TRIM77: variants seen among roughly 807,000 people sequenced by gnomAD.
TRIM77 encodes the protein tripartite motif-containing protein 77.
TRIM77 carries 23 observed loss-of-function variants against 31.8 expected under a neutral mutation model. The observed-to-expected ratio is 0.72, with a 90% CI of 0.52 to 1.02. The LOEUF is 1.02. Ranked by LOEUF, TRIM77 falls within the 50% of genes least tolerant of loss-of-function variation. The pLI is 0.00. For missense variants in TRIM77, 446 were observed against 539.2 expected (o/e 0.83, Z 1.71); for synonymous variants, 159 against 183.1 (o/e 0.87, Z 1.06).
At chr11:89,711,690 A>G (rs1949123452) in intron 2 of TRIM77, among the ~76,000 whole-genome samples, 185 bp downstream of exon 2, 2 of 152,192 alleles carry the variant, frequency 1.3e-5, no homozygotes, top group Admixed American at 6.5e-5. Context: ...TATATAACTA[A>G]AAATATCCTG....
Position 89,710,353 on chromosome 11 carries a change from A to G in TRIM77, c.55A>G (p.Thr19Ala). ...STSELTCSIC[T>A]DYLTDPVTIC... ...CAGTGAGCTCACCTGCTCGATCTGCACAGACTATTTGACAGACCCTGTCAC... is the reference window on the plus strand; with the variant it reads ...CAGTGAGCTCACCTGCTCGATCTGCGCAGACTATTTGACAGACCCTGTCAC... The change falls in exon 1 of 6, where the codon ACA becomes GCA. Residue 19 changes from threonine to alanine, a missense_variant. By Grantham distance (58) the Thr-to-Ala change is moderately conservative. Around this residue, in one of 3 missense-constraint regions of TRIM77, gnomAD observed 72 missense variants for 64.7 expected, o/e 1.11. Coordinates refer to ENST00000398290, the MANE Select transcript of TRIM77 (RefSeq NM_001146162.1). 6.4e-7 allele frequency: 1 copy of G among 1,551,704 alleles called. No homozygotes were observed. The highest frequency in any genetic ancestry group is 8.7e-7 in the Non-Finnish European group (1 of 1,146,716).
chr11:89,711,034 C>A (rs1226867395), intron 1 of TRIM77, among the ~76,000 whole-genome samples: 5 of 152,136 alleles, frequency 3.3e-5, no homozygotes, highest in Non-Finnish European at 7.3e-5. Context: ...TTGGCTAACA[C>A]AGTCATGATT....
chr11:89,710,895 C>T (rs1322477292), intron 1 of TRIM77, among the ~76,000 whole-genome samples, 186 bp downstream of exon 1: 1 of 152,130 alleles, frequency 6.6e-6, no homozygotes, highest in African/African-American at 2.4e-5. Context: ...AACCAAACAT[C>T]CCTGCTCACC....
In TRIM77 at chr11:89,711,485, A is replaced by G; in HGVS notation, c.487A>G (p.Asn163Asp). 6.6e-7 allele frequency: 1 copy of G among 1,519,498 alleles called. No individual in the cohort carries two copies. Among genetic ancestry groups the G allele is most frequent in the Non-Finnish European group, 8.8e-7 (1 of 1,132,812 alleles). The allele number at this position is 1,519,498 out of a possible 1,614,324, so 94.1% of individuals were successfully genotyped here. A position where few individuals can be genotyped will look rare whatever the true frequency, so the allele number is the denominator to read the frequency against. ...KNQRNLNRET[N>D]IIGTWEVFIN... Reference sequence around the variant, plus strand: ...TCAAAGAAATCTAAACAGAGAGACCAACATAATCGGAACATGGGAAGTAAG... The same window carrying G: ...TCAAAGAAATCTAAACAGAGAGACCGACATAATCGGAACATGGGAAGTAAG... The change falls in exon 2 of 6, where the codon AAC becomes GAC. Residue 163 changes from asparagine (N) to aspartate (D), a missense_variant. Physicochemically the swap from Asn to Asp is conservative, Grantham distance 23 (BLOSUM62 1). Transcript: ENST00000398290.
chr11:89,715,391 T>A (rs1321159055), intron 4 of TRIM77, among the ~76,000 whole-genome samples: 1 of 152,198 alleles, frequency 6.6e-6, no homozygotes, highest in African/African-American at 2.4e-5. Context: ...GAAGTTTCAA[T>A]AAGGCAACTA....
chr11:89,711,494 G>A lies in TRIM77; in HGVS notation c.496G>A (p.Gly166Arg), dbSNP rs747086502. Residue 166 changes from glycine to arginine, a missense_variant, in exon 2 of 6, where the codon GGA (glycine) becomes AGA (arginine). Physicochemically the swap from Gly to Arg is moderately radical, Grantham distance 125. Around this residue, in one of 3 missense-constraint regions of TRIM77, gnomAD observed 366 missense variants for 447.9 expected, o/e 0.82. Transcript: ENST00000398290. ...RNLNRETNII[G>R]TWEVFINLRS... Reference sequence around the variant, plus strand: ...TCTAAACAGAGAGACCAACATAATCGGAACATGGGAAGTAAGCAGTAAGCT... The same window carrying A: ...TCTAAACAGAGAGACCAACATAATCAGAACATGGGAAGTAAGCAGTAAGCT... 4.0e-5 allele frequency: 60 copies of A among 1,511,366 alleles called. No homozygotes were observed. Among genetic ancestry groups the A allele is most frequent in the African/African-American group, 2.4e-4 (17 of 70,418 alleles). The allele number at this position is 1,511,366 out of a possible 1,614,324, so 93.6% of individuals were successfully genotyped here.
intron 2 of TRIM77, among the ~76,000 whole-genome samples, chr11:89,713,790 G>A (rs1949141377): frequency 6.6e-6 from 1 of 152,110 alleles, no homozygotes; most frequent in African/African-American, 2.4e-5. Context: ...GGAAATGGAA[G>A]TAATTTAGAA....
At chr11:89,715,479 T>C (rs1949154463) in intron 4 of TRIM77, among the ~76,000 whole-genome samples, 1 of 152,120 alleles carries the variant, frequency 6.6e-6, no homozygotes, top group African/African-American at 2.4e-5. Flanking sequence ...GCAAATAATC[T>C]CAGAGAGGCA....
At chr11:89,717,234 G>A in intron 5 of TRIM77, 145 bp from the exon 6 acceptor site, 1 of 769,792 alleles carries the variant, frequency 1.3e-6, no homozygotes, top group Non-Finnish European at 2.0e-6. Flanking sequence ...TAGTGAGGTG[G>A]AAATATTCCT....
chr11:89,716,662 T>C (rs1184854887), intron 5 of TRIM77, among the ~76,000 whole-genome samples: 2 of 152,082 alleles, frequency 1.3e-5, no homozygotes, highest in East Asian at 1.9e-4. Context: ...AAGGCACATA[T>C]AGATTTTCAG....
At chr11:89,714,518 G>A (rs534096020) in intron 3 of TRIM77, 96 bp downstream of exon 3, 11 of 897,954 alleles carry the variant, frequency 1.2e-5, no homozygotes, top group Middle Eastern at 3.0e-4. Flanking sequence ...TTACTTTTCC[G>A]GTTCCAAATA....
At position 89,717,736 on chromosome 11, in the gene TRIM77, G is replaced by T; in HGVS notation, c.1217G>T (p.Trp406Leu). The T allele has an allele frequency of 6.4e-7, 1 of 1,551,262 alleles. No individual in the cohort carries two copies. Among genetic ancestry groups the T allele is most frequent in the Non-Finnish European group, 8.7e-7 (1 of 1,146,724 alleles). ...CACTATATTCCAAGGCCCCAAGGCTGGCTAGGGGTGTTCCTGGATTATGAA... is the reference window on the plus strand; with the variant it reads ...CACTATATTCCAAGGCCCCAAGGCTTGCTAGGGGTGTTCCTGGATTATGAA... ...LPHYIPRPQG[W>L]LGVFLDYECG... Residue 406 changes from tryptophan to leucine, a missense_variant, in exon 6 of 6, where the codon TGG becomes TTG. Trp to Leu is a moderately conservative substitution (Grantham distance 61). Transcript: ENST00000398290.
chr11:89,710,684 C>T lies in TRIM77; in HGVS notation c.386C>T (p.Thr129Ile), dbSNP rs1482285062. The T allele has an allele frequency of 6.5e-6, 10 of 1,546,626 alleles. No homozygotes were observed. The Admixed American group carries it at 2.0e-4, about 31-fold the overall frequency. The change falls in exon 1 of 6, where the codon ACA (threonine) becomes ATA (isoleucine). Residue 129 changes from threonine (T) to isoleucine (I), a missense_variant. Thr to Ile is a moderately conservative substitution (Grantham distance 89). Coordinates refer to ENST00000398290, the MANE Select transcript of TRIM77 (RefSeq NM_001146162.1). ...CATGCTACTCACAAACACTATATGACAAGGGAGGCTGATGAATACTATAGG... is the reference window on the plus strand; with the variant it reads ...CATGCTACTCACAAACACTATATGATAAGGGAGGCTGATGAATACTATAGG... ...PRHATHKHYM[T>I]READEYYRKK...
chr11:89,714,735 A>G (rs1949148705), intron 3 of TRIM77, among the ~76,000 whole-genome samples: 1 of 152,198 alleles, frequency 6.6e-6, no homozygotes, highest in Non-Finnish European at 1.5e-5. Context: ...TACATGATTC[A>G]GTTTTGTATA....
At position 89,717,420 on chromosome 11, in the gene TRIM77, C is replaced by T. The variant is rs1321061237; in HGVS notation, c.901C>T (p.Leu301Phe). 1.9e-6 allele frequency: 3 copies of T among 1,551,158 alleles called. No homozygotes were observed. Among genetic ancestry groups the T allele is most frequent in the African/African-American group, 2.7e-5 (2 of 73,016 alleles). Reference sequence around the variant, plus strand: ...TCGTAAGATATGCAGTAATCACAAGCTTCTGTTCGAAGACCTAAGGCATTT... The same window carrying T: ...TCGTAAGATATGCAGTAATCACAAGTTTCTGTTCGAAGACCTAAGGCATTT... ...LDRKICSNHK[L>F]LFEDLRHLQC... The change falls in exon 6 of 6, where the codon CTT (leucine) becomes TTT (phenylalanine). Residue 301 changes from leucine to phenylalanine, a missense_variant. Transcript: ENST00000398290.
Position 89,714,228 on chromosome 11 carries a change from G to A in TRIM77, c.544G>A (p.Glu182Lys), listed in dbSNP as rs1228386683. The stretch of plus-strand genomic sequence containing the variant: ...TTTGCGGAGCATGATGATCAGTGCT[G>A]AATATCCTAAGGTGTGTCAATACCT... Reference protein sequence around the residue: ...INLRSMMISAEYPKVCQYLRE... With the variant: ...INLRSMMISAKYPKVCQYLRE... Residue 182 changes from glutamate (E) to lysine (K), a missense_variant, in exon 3 of 6, where the codon GAA becomes AAA. Transcript: ENST00000398290. 6.4e-7 allele frequency: 1 copy of A among 1,551,612 alleles called. No homozygotes were observed.
intron 2 of TRIM77, among the ~76,000 whole-genome samples, chr11:89,713,917 T>G (rs541842258): frequency 6.6e-6 from 1 of 152,316 alleles, no homozygotes; most frequent in Non-Finnish European, 1.5e-5. Context: ...TAGAACATTA[T>G]ATAAGACAAC....
chr11:89,716,805 T>C (rs1227172262), intron 5 of TRIM77, among the ~76,000 whole-genome samples: 1 of 152,104 alleles, frequency 6.6e-6, no homozygotes, highest in Non-Finnish European at 1.5e-5. Flanking sequence ...AACAGTGTCA[T>C]AGCTTAAGTA....
chr11:89,717,840 C>G lies in TRIM77; in HGVS notation c.1321C>G (p.Leu441Val). Residue 441 changes from leucine (L) to valine (V), a missense_variant, in exon 6 of 6, where the codon CTC (leucine) becomes GTC (valine). Physicochemically the swap from Leu to Val is conservative, Grantham distance 32. Coordinates refer to ENST00000398290, the MANE Select transcript of TRIM77 (RefSeq NM_001146162.1). Reference sequence around the variant, plus strand: ...CCTCTCACGCATCTTCTATTTTCCTCTCAGACCTTTCATTTGCCACGGATC... The same window carrying G: ...CCTCTCACGCATCTTCTATTTTCCTGTCAGACCTTTCATTTGCCACGGATC... ...SFLSRIFYFP[L>V]RPFICHGSK 6.5e-7 allele frequency: 1 copy of G among 1,545,830 alleles called. No individual in the cohort carries two copies. The highest frequency in any genetic ancestry group is 8.7e-7 in the Non-Finnish European group (1 of 1,144,084).
Sources: allele counts gnomAD v4.1 joint callset (sites outside exome capture counted in the v4.1 genomes callset), GRCh38; gene constraint gnomAD v4.1.1; regional missense constraint gnomAD v4.1.1; transcripts MANE v1.5; gene names NCBI Gene and HGNC (gene_info 2026-07-23, HGNC 2026-07-21).